Variants in EPHA3 observed in about 807,000 individuals in gnomAD.
The protein encoded by EPHA3 is EPH receptor A3, also known as ephrin type-A receptor 3.
In EPHA3, 42 loss-of-function variants were observed where a neutral mutation model predicts 107.1. That is an observed-to-expected ratio of 0.39 (90% CI 0.31 to 0.51). EPHA3 has a LOEUF of 0.51. EPHA3 is among the 20% of genes least tolerant of loss of function. The pLI, the probability that EPHA3 is intolerant of heterozygous loss-of-function variation, is 0.78. For missense variants in EPHA3, 1,183 were observed against 1,211.2 expected (o/e 0.98, Z 0.35); for synonymous variants, 461 against 424.8 (o/e 1.09, Z -1.05).
chr3:89,292,138 G>A (rs1315428850), intron 3 of EPHA3, among the ~76,000 whole-genome samples: 2 of 152,230 alleles, frequency 1.3e-5, no homozygotes, highest in South Asian at 4.1e-4. Flanking sequence ...TGGAAAGTAA[G>A]GAGGGATAAT....
chr3:89,255,520 T>A (rs1192074573), intron 3 of EPHA3, among the ~76,000 whole-genome samples: 1 of 152,254 alleles, frequency 6.6e-6, no homozygotes, highest in Non-Finnish European at 1.5e-5. Context: ...TCAGTAGTTA[T>A]GACAGGGGCC....
chr3:89,184,771 A>C (rs1705524127), intron 2 of EPHA3, among the ~76,000 whole-genome samples: 1 of 152,036 alleles, frequency 6.6e-6, no homozygotes, highest in Admixed American at 6.6e-5. Flanking sequence ...AATGTTTTCC[A>C]GCAAGATAAT....
At chr3:89,353,310 A>T (rs534945336) in intron 5 of EPHA3, among the ~76,000 whole-genome samples, 1 of 151,336 alleles carries the variant, frequency 6.6e-6, no homozygotes, top group Non-Finnish European at 1.5e-5. Context: ...TTTCAGCGCC[A>T]ATGTAGCGAA....
Position 89,400,055 on chromosome 3 carries a change from T to A in EPHA3, c.1594+575T>A, listed in dbSNP as rs371019368. ...CATTTTTCCAGTAACTTTTCTTTTT[T>A]TCAAATGAATTTTCTTCATACTTAA... On this transcript the variant is annotated intron_variant, in intron 7 of 16. Coordinates refer to ENST00000336596, the MANE Select transcript of EPHA3 (RefSeq NM_005233.6). The A allele has an allele frequency of 4.8e-6, 5 of 1,032,204 alleles. No individual in the cohort carries two copies. In the African/African-American group the frequency reaches 8.4e-5, roughly 17 times the overall value. The allele number at this position is 1,032,204 out of a possible 1,614,324, so 63.9% of individuals were successfully genotyped here. A position where few individuals can be genotyped will look rare whatever the true frequency, so the allele number is the denominator to read the frequency against.
intron 5 of EPHA3, among the ~76,000 whole-genome samples, chr3:89,392,193 AT>A (rs1440255225): frequency 6.6e-6 from 1 of 152,126 alleles, no homozygotes; most frequent in Non-Finnish European, 1.5e-5. Context: ...TAATCCCAGA[AT>A]TTAGGGAGGC....
At chr3:89,291,053 T>C (rs1226734647) in intron 3 of EPHA3, among the ~76,000 whole-genome samples, 1 of 152,174 alleles carries the variant, frequency 6.6e-6, no homozygotes, top group Non-Finnish European at 1.5e-5. Flanking sequence ...ATATACCCTT[T>C]GTAGTCAGCA....
intron 3 of EPHA3, among the ~76,000 whole-genome samples, chr3:89,262,946 G>T (rs1408062770): frequency 6.6e-6 from 1 of 150,478 alleles, no homozygotes; most frequent in Non-Finnish European, 1.5e-5. Context: ...AAGTCCCCGA[G>T]GGCATGTTAC....
intron 3 of EPHA3, among the ~76,000 whole-genome samples, chr3:89,316,549 T>C (rs1706911991): frequency 1.5e-5 from 2 of 135,292 alleles, no homozygotes; most frequent in South Asian, 2.4e-4. Context: ...TAGAAAAGGG[T>C]ATATACCTTT....
intron 3 of EPHA3, among the ~76,000 whole-genome samples, chr3:89,211,819 T>C (rs999624698): frequency 9.4e-6 from 1 of 106,598 alleles, no homozygotes; most frequent in African/African-American, 5.0e-5. Context: ...CTTCTTCTTC[T>C]CCTTCTCCTC....
intron 3 of EPHA3, among the ~76,000 whole-genome samples, chr3:89,287,876 T>A (rs1447910660): frequency 1.3e-5 from 2 of 152,134 alleles, no homozygotes; most frequent in Non-Finnish European, 2.9e-5. Flanking sequence ...ACCTTGTGTT[T>A]TCTTTAGAAG....
At chr3:89,189,455 C>T (rs2107136967) in intron 2 of EPHA3, among the ~76,000 whole-genome samples, 1 of 152,138 alleles carries the variant, frequency 6.6e-6, no homozygotes, top group Middle Eastern at 3.4e-3. Context: ...TAGCTGGGCA[C>T]GGTGGCGCGC....
intron 3 of EPHA3, among the ~76,000 whole-genome samples, chr3:89,271,094 G>A (rs1032670226): frequency 3.3e-5 from 5 of 151,930 alleles, no homozygotes; most frequent in African/African-American, 9.7e-5. Flanking sequence ...TACTCAACAT[G>A]TTCTTCCTTA....
At chr3:89,454,124 G>C (rs1710052106) in intron 15 of EPHA3, among the ~76,000 whole-genome samples, 2 of 152,048 alleles carry the variant, frequency 1.3e-5, no homozygotes, top group Admixed American at 1.3e-4. Flanking sequence ...AATGGAGTTT[G>C]GATGTTTTAT....
intron 3 of EPHA3, among the ~76,000 whole-genome samples, chr3:89,216,706 A>G (rs1016167621): frequency 1.3e-5 from 2 of 152,230 alleles, no homozygotes; most frequent in Non-Finnish European, 1.5e-5. Context: ...AAGAACATTC[A>G]TCTTCACTTC....
intron 12 of EPHA3, 76 bp from the exon 13 acceptor site, chr3:89,431,074 T>G: frequency 6.7e-5 from 97 of 1,446,206 alleles, no homozygotes; most frequent in Non-Finnish European, 8.5e-5. Flanking sequence ...ATTCAATATG[T>G]GAGATTTTAA....
chr3:89,412,785 C>T (rs1478966606), intron 9 of EPHA3, among the ~76,000 whole-genome samples: 2 of 151,666 alleles, frequency 1.3e-5, no homozygotes, highest in Non-Finnish European at 2.9e-5. Flanking sequence ...TATGCAATAG[C>T]ATAATGGTGT....
chr3:89,280,195 G>A (rs985349541), intron 3 of EPHA3, among the ~76,000 whole-genome samples: 2 of 152,038 alleles, frequency 1.3e-5, no homozygotes, highest in African/African-American at 4.8e-5. Flanking sequence ...TTCAGTAAGG[G>A]CCATATTTCA....
At chr3:89,156,878 T>C (rs1247491278) in intron 2 of EPHA3, among the ~76,000 whole-genome samples, 2 of 147,404 alleles carry the variant, frequency 1.4e-5, no homozygotes, top group Non-Finnish European at 3.0e-5. Context: ...CTACACATTT[T>C]ATTTTTTTTT....
At chr3:89,120,828 G>A (rs1331629201) in intron 1 of EPHA3, among the ~76,000 whole-genome samples, 1 of 152,136 alleles carries the variant, frequency 6.6e-6, no homozygotes, top group Non-Finnish European at 1.5e-5. Context: ...AGGAGAAAAA[G>A]CTAATGAGAA....
Sources: allele counts gnomAD v4.1 joint callset (sites outside exome capture counted in the v4.1 genomes callset), GRCh38; gene constraint gnomAD v4.1.1; transcripts MANE v1.5; gene names NCBI Gene and HGNC (gene_info 2026-07-23, HGNC 2026-07-21).